VDAC1: variants seen among roughly 807,000 people sequenced by gnomAD.
VDAC1 encodes voltage dependent anion channel 1, also known as non-selective voltage-gated ion channel VDAC1.
A neutral mutation model predicts 34.7 loss-of-function variants in VDAC1; 10 were observed. The observed-to-expected ratio is 0.29, with a 90% CI of 0.18 to 0.49. The LOEUF is 0.49. Among genes scored for constraint, VDAC1 ranks in the 20% least tolerant of loss-of-function variants. The pLI, the probability that VDAC1 is intolerant of heterozygous loss-of-function variation, is 0.99. For synonymous variants in VDAC1, 130 were observed against 136.0 expected, an observed-to-expected ratio of 0.96 and a Z score of 0.30; for missense variants, 230 against 347.9, an observed-to-expected ratio of 0.66 and a Z score of 2.69.
chr5:134,024,732 T>C, the VDAC1 span, among the ~76,000 whole-genome samples: 1 of 152,242 alleles, frequency 6.6e-6, no homozygotes, highest in African/African-American at 2.4e-5. Flanking sequence ...ACCAGTGGAA[T>C]GTGGTTGCAG....
chr5:133,990,695 C>G (rs187693802), intron 5 of VDAC1, among the ~76,000 whole-genome samples, 160 bp downstream of exon 5: 5 of 152,122 alleles, frequency 3.3e-5, no homozygotes, highest in Non-Finnish European at 7.4e-5. Flanking sequence ...GATGTGGATA[C>G]GACCCCTGGG....
chr5:134,077,243 C>G, the VDAC1 span, among the ~76,000 whole-genome samples: 1 of 144,850 alleles, frequency 6.9e-6, no homozygotes, highest in Non-Finnish European at 1.5e-5. Context: ...CATCGCTGCA[C>G]TCCAGGCTGG....
At chr5:134,045,833 C>T in the VDAC1 span, among the ~76,000 whole-genome samples, 1 of 151,524 alleles carries the variant, frequency 6.6e-6, no homozygotes, top group East Asian at 1.9e-4. Context: ...TACAGAGGCA[C>T]ACCACCACGC....
At chr5:134,101,546 G>A in the VDAC1 span, among the ~76,000 whole-genome samples, 464 of 150,890 alleles carry the variant, frequency 3.1e-3, no homozygotes, top group Non-Finnish European at 4.7e-3. Context: ...GTGACCGAGC[G>A]AGACTCTGTC....
chr5:134,008,696 A>G (rs150434429), upstream of VDAC1, among the ~76,000 whole-genome samples: 1 of 152,194 alleles, frequency 6.6e-6, no homozygotes, highest in African/African-American at 2.4e-5. Flanking sequence ...GTTTCTTAGC[A>G]TTGTCTGTGC....
At chr5:133,987,352 C>G (rs895782633) in intron 5 of VDAC1, among the ~76,000 whole-genome samples, 32 of 145,814 alleles carry the variant, frequency 2.2e-4, no homozygotes, top group Admixed American at 2.0e-3. Context: ...CAGAGTGAGA[C>G]CCCATCTCAT....
At chr5:134,063,820 T>C in the VDAC1 span, among the ~76,000 whole-genome samples, 1 of 152,096 alleles carries the variant, frequency 6.6e-6, no homozygotes, top group Non-Finnish European at 1.5e-5. Context: ...GTCTAATTTT[T>C]ATTTATTTAC....
At chr5:133,986,078 A>T (rs891034596) in intron 5 of VDAC1, among the ~76,000 whole-genome samples, 2 of 152,260 alleles carry the variant, frequency 1.3e-5, no homozygotes, top group Admixed American at 1.3e-4. Flanking sequence ...CCTCTTTCAG[A>T]TATTATTGGG....
chr5:134,030,974 C>T, the VDAC1 span, among the ~76,000 whole-genome samples: 1 of 152,026 alleles, frequency 6.6e-6, no homozygotes. Context: ...TGGAACAAGG[C>T]CCCTTCCCTA....
intron 5 of VDAC1, among the ~76,000 whole-genome samples, chr5:133,984,824 C>G (rs1240934490): frequency 6.6e-6 from 1 of 152,000 alleles, no homozygotes. Context: ...TAGTCCCAGA[C>G]ACTCAGGAGG....
chr5:134,047,257 C>T, the VDAC1 span, among the ~76,000 whole-genome samples: 1 of 152,064 alleles, frequency 6.6e-6, no homozygotes, highest in East Asian at 1.9e-4. Context: ...GGGCAGGAAC[C>T]CTGGTTAATA....
the VDAC1 span, among the ~76,000 whole-genome samples, chr5:134,018,208 G>A: frequency 3.3e-5 from 5 of 152,214 alleles, no homozygotes; most frequent in African/African-American, 1.2e-4. Context: ...CATGGCAGAA[G>A]GCCAACAAGG....
chr5:133,993,109 A>G (rs1223158168), intron 1 of VDAC1, 91 bp from the exon 2 acceptor site: 2 of 1,324,342 alleles, frequency 1.5e-6, no homozygotes, highest in African/African-American at 3.0e-5. Context: ...ATTAGCAACC[A>G]ATAAAAATCA....
chr5:134,078,791 C>T, the VDAC1 span, among the ~76,000 whole-genome samples: 1 of 151,508 alleles, frequency 6.6e-6, no homozygotes, highest in Non-Finnish European at 1.5e-5. Context: ...GCTGGGATTA[C>T]AGGTGCCCAC....
chr5:134,053,928 G>A, the VDAC1 span, among the ~76,000 whole-genome samples: 2 of 152,164 alleles, frequency 1.3e-5, no homozygotes, highest in Admixed American at 6.5e-5. Flanking sequence ...GAAGTCTTAC[G>A]TTATGACTTC....
At chr5:134,078,647 CTTTT>C in the VDAC1 span, among the ~76,000 whole-genome samples, 1 of 118,454 alleles carries the variant, frequency 8.4e-6, no homozygotes, top group Non-Finnish European at 1.7e-5. Flanking sequence ...CCTCAAGCAT[CTTTT>C]TTTTTTTTTT....
rs148376954 is a variant in VDAC1, at chr5:133,978,945, G to C, written c.551+1784C>G. 8.2e-3 allele frequency among the ~76,000 whole-genome samples: 1,242 copies of C among 152,230 alleles called. 19 individuals carry two copies. Among genetic ancestry groups the C allele is most frequent in the African/African-American group, 0.028 (1,169 of 41,526 alleles). ...GGAGTATCACTTAATCCCGGGAGGT[G>C]GAGGCTGCAGAGATCGTGCCACTGA... On this transcript the variant is annotated intron_variant, in intron 6 of 8. Transcript: ENST00000265333.
upstream of VDAC1, among the ~76,000 whole-genome samples, chr5:134,006,207 C>T (rs927922483): frequency 6.6e-6 from 1 of 152,244 alleles, no homozygotes. Context: ...GATTCTATGA[C>T]CCTCCCAGGC....
chr5:134,047,273 T>C, the VDAC1 span, among the ~76,000 whole-genome samples: 8 of 150,794 alleles, frequency 5.3e-5, no homozygotes, highest in African/African-American at 1.7e-4. Flanking sequence ...TAATAAAAGG[T>C]TGGGTGTCAA....
Sources: gnomAD v4.1 joint callset for allele counts (sites outside exome capture counted in the v4.1 genomes callset) on GRCh38, gnomAD v4.1.1 for gene constraint, MANE v1.5 for transcripts, NCBI Gene and HGNC (gene_info 2026-07-23, HGNC 2026-07-21) for gene names.